Variants in TPPP observed in about 807,000 individuals in gnomAD.
The protein encoded by TPPP is tubulin polymerization promoting protein.
Under a neutral mutation model 15.5 loss-of-function variants are expected in TPPP, and 6 were observed. The observed-to-expected ratio is 0.39, with a 90% CI of 0.21 to 0.77. The LOEUF (loss-of-function observed/expected upper bound fraction) is 0.77, where lower values mean the gene tolerates loss of function less well. Ranked by LOEUF, TPPP falls within the 30% of genes least tolerant of loss-of-function variation. The pLI is 0.42. For missense variants in TPPP, 269 were observed against 307.2 expected, an observed-to-expected ratio of 0.88 and a Z score of 0.93; for synonymous variants, 146 against 133.9, an observed-to-expected ratio of 1.09 and a Z score of -0.63.
At chr5:677,643 AC>A in intron 2 of TPPP, 106 bp downstream of exon 2, 1 of 1,075,094 alleles carries the variant, frequency 9.3e-7, no homozygotes, top group East Asian at 2.7e-5. Flanking sequence ...TTGAAGCACA[AC>A]CCCCTCCACT....
the TPPP span, among the ~76,000 whole-genome samples, chr5:698,535 C>T: frequency 0.69 from 105,143 of 151,358 alleles, 35,068 homozygotes; most frequent in Middle Eastern, 0.72. Context: ...TCATGGTGGA[C>T]GGCAAAAGGC....
chr5:665,153 G>A lies in TPPP; in HGVS notation c.609C>T (p.Ser203=), dbSNP rs536748443. 4.8e-5 allele frequency: 77 copies of A among 1,613,324 alleles called. No individual in the cohort carries two copies. Among genetic ancestry groups the A allele is most frequent in the African/African-American group, 3.2e-4 (24 of 75,042 alleles). The change falls in exon 4 of 4, where the codon TCC becomes TCT. Residue 203 remains serine, a synonymous_variant. Transcript: ENST00000360578. ...VDLVDESGYV[S]GYKHAGTYDQ... ...CGTAGGTGCCTGCGTGCTTGTAGCCGGACACATAGCCTGACTCGTCCACCA... is the reference window on the plus strand; with the variant it reads ...CGTAGGTGCCTGCGTGCTTGTAGCCAGACACATAGCCTGACTCGTCCACCA...
At chr5:684,439 G>A (rs375417293) in intron 1 of TPPP, among the ~76,000 whole-genome samples, 64 of 151,578 alleles carry the variant, frequency 4.2e-4, no homozygotes, top group Middle Eastern at 6.8e-3. Flanking sequence ...GACAGCTCTC[G>A]GCGCTGGAGA....
At position 692,181 on chromosome 5, in the gene TPPP, G is replaced by GCC. The variant is rs145056763; in HGVS notation, c.-5+1095_-5+1096dup. Among the ~76,000 whole-genome samples, 25 of 40,360 alleles carry GCC rather than the reference G, an allele frequency of 6.2e-4. No individual in the cohort carries two copies. In the Admixed American group the frequency reaches 6.6e-3, roughly 11 times the overall value. 26.5% of individuals were successfully genotyped at this position (40,360 alleles called of 152,430 possible). A position where few individuals can be genotyped will look rare whatever the true frequency, so the allele number is the denominator to read the frequency against. ...CCCCCAACCACCTATCAAAACAGCA[G>GCC]CCCCCAACCCCTATCAAAACAGCAG... On this transcript the variant is annotated intron_variant, in intron 1 of 3. Transcript: ENST00000360578.
intron 2 of TPPP, among the ~76,000 whole-genome samples, chr5:675,553 G>T (rs546996628): frequency 1.4e-5 from 2 of 147,978 alleles, no homozygotes; most frequent in African/African-American, 2.5e-5. Context: ...TGTGGCCGGG[G>T]GTGCAGTGTG....
Position 665,200 on chromosome 5 carries a change from C to T in TPPP, c.562G>A (p.Gly188Ser). The change falls in exon 4 of 4, where the codon GGC becomes AGC. Residue 188 changes from glycine (G) to serine (S), a missense_variant. Transcript: ENST00000360578. ...ACCAGATCCACGCGGCCAGCCTTGCCCTTGCCCTTGCCAGAGGGGTCGAAG... is the reference window on the plus strand; with the variant it reads ...ACCAGATCCACGCGGCCAGCCTTGCTCTTGCCCTTGCCAGAGGGGTCGAAG... ...ERFDPSGKGK[G>S]KAGRVDLVDE... 6.2e-7 allele frequency: 1 copy of T among 1,613,908 alleles called. No individual in the cohort carries two copies. Among genetic ancestry groups the T allele is most frequent in the Non-Finnish European group, 8.5e-7 (1 of 1,179,984 alleles).
Position 667,676 on chromosome 5 carries a change from C to T in TPPP, c.312-1553G>A, listed in dbSNP as rs183086006. On this transcript the variant is annotated intron_variant, in intron 2 of 3. Transcript: ENST00000360578. ...AGAAAGGACTTGTCTCTGAGATACA[C>T]AAAGGAACCTTAAAACTCAGCAGTA... Among the ~76,000 whole-genome samples, 48 of 151,916 alleles carry T rather than the reference C, an allele frequency of 3.2e-4. No homozygotes were observed. The East Asian group carries it at 8.5e-3, about 27-fold the overall frequency.
At chr5:666,682 C>T (rs922604817) in intron 2 of TPPP, among the ~76,000 whole-genome samples, 3 of 151,994 alleles carry the variant, frequency 2.0e-5, no homozygotes, top group Admixed American at 6.5e-5. Flanking sequence ...AGGTGCAGAG[C>T]CCGGTGGGCC....
At chr5:686,020 T>C (rs1472717399) in intron 1 of TPPP, among the ~76,000 whole-genome samples, 2 of 152,156 alleles carry the variant, frequency 1.3e-5, no homozygotes, top group Non-Finnish European at 2.9e-5. Context: ...GCTCCCGGAC[T>C]CTGCAAAGGA....
intron 2 of TPPP, among the ~76,000 whole-genome samples, chr5:671,533 G>A (rs1725588218): frequency 6.6e-6 from 1 of 152,238 alleles, no homozygotes; most frequent in African/African-American, 2.4e-5. Flanking sequence ...AAAGTGGACA[G>A]CCAAGGCCAC....
intron 2 of TPPP, among the ~76,000 whole-genome samples, chr5:668,397 T>TGCCG (rs1561082205): frequency 2.0e-5 from 2 of 99,360 alleles, no homozygotes; most frequent in East Asian, 2.1e-4. Context: ...GTCAGGGAAG[T>TGCCG]ACCGACAAGC....
intron 1 of TPPP, among the ~76,000 whole-genome samples, chr5:691,822 C>A (rs1183666026): frequency 1.1e-5 from 1 of 88,114 alleles, no homozygotes. Context: ...CAGCCCTCAA[C>A]CCCCATCAAA....
chr5:679,434 G>A (rs1174784171), intron 1 of TPPP, among the ~76,000 whole-genome samples: 1 of 122,458 alleles, frequency 8.2e-6, no homozygotes, highest in Non-Finnish European at 1.8e-5. Context: ...CCGCCTGGGG[G>A]CAGGATCCTG....
chr5:695,566 C>T (rs1317791666), upstream of TPPP, among the ~76,000 whole-genome samples: 4 of 150,420 alleles, frequency 2.7e-5, no homozygotes, highest in Admixed American at 6.6e-5. Flanking sequence ...GCCAGAAGTC[C>T]GAGATCAAGG....
intron 1 of TPPP, among the ~76,000 whole-genome samples, chr5:693,022 G>C (rs569494899): frequency 1.3e-4 from 19 of 150,584 alleles, no homozygotes; most frequent in African/African-American, 4.4e-4. Context: ...TGTCCCTGGC[G>C]CGGCCGACGG....
At chr5:678,861 C>T (rs1452540069) in intron 1 of TPPP, among the ~76,000 whole-genome samples, 1 of 152,170 alleles carries the variant, frequency 6.6e-6, no homozygotes, top group East Asian at 1.9e-4. Flanking sequence ...GGCTTGGGGA[C>T]GCAGGGCTAC....
At chr5:693,161 G>A (rs1323440679) in intron 1 of TPPP, 117 bp downstream of exon 1, 1 of 99,456 alleles carries the variant, frequency 1.0e-5, no homozygotes, top group Non-Finnish European at 2.2e-5. Context: ...GGGGGCTCGG[G>A]GGAGCGCGGG....
At chr5:679,358 GGATGCAGGGGCAGGATCCTGGTGGGGGCT>G (rs934621119) in intron 1 of TPPP, among the ~76,000 whole-genome samples, 3 of 138,460 alleles carry the variant, frequency 2.2e-5, no homozygotes, top group African/African-American at 1.0e-4. Flanking sequence ...ACCCAGCGGA[GGATGCAGGGGCAGGATCCTGGTGGGGGCT>G]GGGCCGCGTG....
In TPPP at chr5:673,010, C is replaced by T. The variant is rs185135441; in HGVS notation, c.311+4740G>A. ...GGCAACCTGCCCTGAAAACAGAAAT[C>T]GGTAGACTTTTTCTCCACAAGTCCT... On this transcript the variant is annotated intron_variant, in intron 2 of 3. Transcript: ENST00000360578. Among the ~76,000 whole-genome samples, 334 of 152,338 alleles carry T rather than the reference C, an allele frequency of 2.2e-3. 2 individuals carry two copies. The highest frequency in any genetic ancestry group is 3.7e-3 in the South Asian group (18 of 4,828).
Sources: allele counts gnomAD v4.1 joint callset (sites outside exome capture counted in the v4.1 genomes callset), GRCh38; gene constraint gnomAD v4.1.1; transcripts MANE v1.5; gene names NCBI Gene and HGNC (gene_info 2026-07-23, HGNC 2026-07-21).